Variants in PHC3 observed in about 807,000 individuals in gnomAD.
PHC3 encodes polyhomeotic-like protein 3.
Under a neutral mutation model 107.4 loss-of-function variants are expected in PHC3, and 13 were observed. The ratio of observed to expected loss-of-function variants is 0.12; its 90% CI spans 0.08 to 0.19. PHC3 has a LOEUF of 0.19. PHC3 is among the 10% of genes least tolerant of loss of function. The pLI is 1.00. For missense variants in PHC3, 992 were observed against 1,210.9 expected (o/e 0.82, Z 2.68); for synonymous variants, 456 against 427.4 (o/e 1.07, Z -0.83).
intron 5 of PHC3, chr3:170,148,805 T>G (rs1725430445): frequency 4.3e-6 from 1 of 230,246 alleles, no homozygotes; most frequent in Non-Finnish European, 8.5e-6. Context: ...AAAAAAAGGT[T>G]TTCAATGAAT....
At chr3:170,122,334 T>C (rs556617491) in intron 9 of PHC3, among the ~76,000 whole-genome samples, 4 of 152,188 alleles carry the variant, frequency 2.6e-5, no homozygotes, top group Non-Finnish European at 5.9e-5. Flanking sequence ...CTGGGTGCAA[T>C]GGCTCACACC....
At chr3:170,102,777 A>G in intron 13 of PHC3, 25 bp downstream of exon 13, 1 of 1,613,562 alleles carries the variant, frequency 6.2e-7, no homozygotes, top group East Asian at 2.2e-5. Flanking sequence ...AGGGTATTTT[A>G]CATTGAAGCA....
At chr3:170,153,841 T>C (rs1311354932) in intron 4 of PHC3, among the ~76,000 whole-genome samples, 1 of 151,146 alleles carries the variant, frequency 6.6e-6, no homozygotes, top group African/African-American at 2.4e-5. Flanking sequence ...CTCCTCCCCC[T>C]CCACACACAA....
chr3:170,146,877 CTTTTTTTT>C (rs1035803336), intron 5 of PHC3, among the ~76,000 whole-genome samples: 3 of 97,998 alleles, frequency 3.1e-5, no homozygotes, highest in Non-Finnish European at 4.2e-5. Context: ...TCTATTTTTT[CTTTTTTTT>C]TTTTTTTTTT....
intron 7 of PHC3, chr3:170,136,204 G>T (rs1440663525): frequency 3.9e-6 from 2 of 511,652 alleles, no homozygotes; most frequent in Admixed American, 3.9e-5. Flanking sequence ...AATGTAATTT[G>T]ATTTTAAAAA....
intron 9 of PHC3, among the ~76,000 whole-genome samples, chr3:170,121,386 T>C (rs1310380521): frequency 6.6e-6 from 1 of 152,140 alleles, no homozygotes; most frequent in Non-Finnish European, 1.5e-5. Context: ...CTAACATTCA[T>C]AAATTTAAAA....
chr3:170,110,480 C>T lies in PHC3; in HGVS notation c.2353+2880G>A, dbSNP rs60607916. On this transcript the variant is annotated intron_variant, in intron 11 of 14. Coordinates refer to ENST00000495893, the MANE Select transcript of PHC3 (RefSeq NM_024947.4). The stretch of plus-strand genomic sequence containing the variant: ...TTTATCCTAAATCTATGCATTAAAT[C>T]CACGACCCACTTCAAATCTCATTTT... Among the ~76,000 whole-genome samples the T allele has an allele frequency of 5.2e-3, 799 of 152,242 alleles. 5 individuals carry two copies. Among genetic ancestry groups the T allele is most frequent in the African/African-American group, 0.018 (753 of 41,538 alleles).
intron 5 of PHC3, among the ~76,000 whole-genome samples, chr3:170,146,681 C>T (rs369098647): frequency 5.3e-4 from 78 of 147,814 alleles, no homozygotes; most frequent in African/African-American, 1.8e-3. Context: ...TACAGGCATA[C>T]GCCACAACGC....
chr3:170,111,345 C>T (rs896317223), intron 11 of PHC3, among the ~76,000 whole-genome samples: 16 of 77,994 alleles, frequency 2.1e-4, no homozygotes, highest in Middle Eastern at 0.011. Flanking sequence ...AACAAAAGAA[C>T]GGAAAGGAAA....
At position 170,146,101 on chromosome 3, in the gene PHC3, G is replaced by A. The variant is rs188338404; in HGVS notation, c.574-580C>T. 3.0e-3 allele frequency among the ~76,000 whole-genome samples: 464 copies of A among 152,216 alleles called. 1 individual carries two copies. The highest frequency in any genetic ancestry group is 0.011 in the African/African-American group (444 of 41,538). ...AGAAATATTCATTCTATGGCCAGGCGTGGTGGCTCATGCCTGTAATCCTAG... is the reference window on the plus strand; with the variant it reads ...AGAAATATTCATTCTATGGCCAGGCATGGTGGCTCATGCCTGTAATCCTAG... On this transcript the variant is annotated intron_variant, in intron 5 of 14. Transcript: ENST00000495893.
At chr3:170,118,450 C>T (rs888686648) in intron 9 of PHC3, among the ~76,000 whole-genome samples, 1 of 152,128 alleles carries the variant, frequency 6.6e-6, no homozygotes, top group African/African-American at 2.4e-5. Context: ...CTCGCTCTGT[C>T]ACCCAGGCTG....
At chr3:170,171,185 C>T in intron 4 of PHC3, 188 bp downstream of exon 4, 1 of 567,228 alleles carries the variant, frequency 1.8e-6, no homozygotes, top group Non-Finnish European at 3.0e-6. Context: ...TTTTTTAAGA[C>T]TCAGATTTTC....
At chr3:170,103,848 T>A (rs188683439) in intron 12 of PHC3, among the ~76,000 whole-genome samples, 3 of 152,204 alleles carry the variant, frequency 2.0e-5, no homozygotes, top group Admixed American at 2.0e-4. Flanking sequence ...GCTCCAGAGT[T>A]CAAGACCAGT....
intron 4 of PHC3, among the ~76,000 whole-genome samples, chr3:170,167,668 G>T (rs1161978637): frequency 1.3e-5 from 2 of 150,898 alleles, no homozygotes; most frequent in African/African-American, 4.9e-5. Context: ...GCTGAGGCAG[G>T]AGAATCGCTT....
Position 170,093,344 on chromosome 3 carries a change from T to C in PHC3, c.*3886A>G, listed in dbSNP as rs1714304505. 1 of 152,210 alleles carries C rather than the reference T, an allele frequency of 6.6e-6. No homozygotes were observed. The highest frequency in any genetic ancestry group is 2.1e-4 in the South Asian group (1 of 4,832). The allele number at this position is 152,210 out of a possible 1,614,324, so 9.4% of individuals were successfully genotyped here. ...GAGGTAGTGAGATGAGGCCCTTTCA[T>C]GCCATTAGCTAATGCTCAATGCCAG... is the stretch of plus-strand genomic sequence containing the variant. On this transcript the variant is annotated 3_prime_UTR_variant, in exon 15 of 15. Coordinates refer to ENST00000495893, the MANE Select transcript of PHC3 (RefSeq NM_024947.4).
rs1490697580 is a variant in PHC3 at position 170,088,151 on chromosome 3, T to G, written c.*9079A>C. 1 of 152,196 alleles carries G rather than the reference T, an allele frequency of 6.6e-6. No homozygotes were observed. The highest frequency in any genetic ancestry group is 1.9e-4 in the East Asian group (1 of 5,202). The allele number at this position is 152,196 out of a possible 1,614,324, so 9.4% of individuals were successfully genotyped here. A position where few individuals can be genotyped will look rare whatever the true frequency, so the allele number is the denominator to read the frequency against. Reference sequence around the variant, plus strand: ...AATACATCTATATATAATCTTAACATGTTTTCTGTAAAGATAAAAAATGTT... The same window carrying G: ...AATACATCTATATATAATCTTAACAGGTTTTCTGTAAAGATAAAAAATGTT... On this transcript the variant is annotated 3_prime_UTR_variant, in exon 15 of 15. Coordinates refer to ENST00000495893, the MANE Select transcript of PHC3 (RefSeq NM_024947.4).
intron 11 of PHC3, among the ~76,000 whole-genome samples, chr3:170,112,214 A>C (rs1400937826): frequency 6.6e-6 from 1 of 151,374 alleles, no homozygotes; most frequent in African/African-American, 2.4e-5. Context: ...TATTTACTTT[A>C]TTTCATTTTT....
intron 6 of PHC3, among the ~76,000 whole-genome samples, chr3:170,144,477 C>A (rs376078764): frequency 6.6e-6 from 1 of 152,136 alleles, no homozygotes; most frequent in Non-Finnish European, 1.5e-5. Context: ...TGTGTTTTCA[C>A]GTCTCTCAGG....
intron 7 of PHC3, 24 bp from the exon 8 acceptor site, chr3:170,129,576 T>G: frequency 6.4e-7 from 1 of 1,570,548 alleles, no homozygotes; most frequent in Non-Finnish European, 8.6e-7. Context: ...AAATGACAAT[T>G]AGTACTGATT....
Sources: allele counts gnomAD v4.1 joint callset (sites outside exome capture counted in the v4.1 genomes callset), GRCh38; gene constraint gnomAD v4.1.1; transcripts MANE v1.5; gene names NCBI Gene and HGNC (gene_info 2026-07-23, HGNC 2026-07-21).